The following PSMC5 variants were observed in gnomAD, a reference collection of about 807,000 sequenced individuals.
The protein encoded by PSMC5 is proteasome 26S subunit, ATPase 5, also known as 26S proteasome regulatory subunit 8.
Under a neutral mutation model 49.1 loss-of-function variants are expected in PSMC5, and 11 were observed. The observed-to-expected ratio is 0.22, with a 90% confidence interval of 0.14 to 0.37. PSMC5 has a LOEUF of 0.37. Among genes scored for constraint, PSMC5 ranks in the 10% least tolerant of loss-of-function variants. The pLI, the probability that PSMC5 is intolerant of heterozygous loss-of-function variation, is 1.00. For missense variants in PSMC5, 229 were observed against 520.9 expected, an observed-to-expected ratio of 0.44 and a Z score of 5.45; for synonymous variants, 206 against 192.2, an observed-to-expected ratio of 1.07 and a Z score of -0.59.
chr17:63,828,941 A>C (rs2040147243), intron 2 of PSMC5: 1 of 154,124 alleles, frequency 6.5e-6, no homozygotes, highest in Non-Finnish European at 1.4e-5. Flanking sequence ...GAAAGCCACA[A>C]AAGACAATTC....
In PSMC5 at chr17:63,831,561, T is replaced by C; in HGVS notation, c.1025T>C (p.Ile342Thr). The C allele has an allele frequency of 6.2e-7, 1 of 1,613,948 alleles. No individual in the cohort carries two copies. The highest frequency in any genetic ancestry group is 8.5e-7 in the Non-Finnish European group (1 of 1,179,990). Reference protein sequence around the residue: ...HSRKMNLTRGINLRKIAELMP... With the variant: ...HSRKMNLTRGTNLRKIAELMP... Reference sequence around the variant, plus strand: ...CGGAAGATGAACCTGACCCGGGGGATCAACCTGAGAAAAATTGCTGAGCTC... The same window carrying C: ...CGGAAGATGAACCTGACCCGGGGGACCAACCTGAGAAAAATTGCTGAGCTC... The change falls in exon 10 of 12, where the codon ATC (isoleucine) becomes ACC (threonine). Residue 342 changes from isoleucine (I) to threonine (T), a missense_variant. Physicochemically the swap from Ile to Thr is moderately conservative, Grantham distance 89. This residue lies in a region of PSMC5 where 121 missense variants were observed against 330.6 expected (regional missense o/e 0.37). Coordinates refer to ENST00000310144, the MANE Select transcript of PSMC5 (RefSeq NM_002805.6). This position sits in a 1 kb window ranked among gnomAD's most constrained non-coding sequence, Gnocchi z 6.3.
chr17:63,829,987 C>A, intron 4 of PSMC5, 38 bp downstream of exon 4: 2 of 1,581,362 alleles, frequency 1.3e-6, no homozygotes, highest in South Asian at 1.2e-5. Flanking sequence ...GCTCGGTCTC[C>A]ACTGCATTCC....
Position 63,830,625 on chromosome 17 carries a change from C to G in PSMC5, c.552+124C>G, listed in dbSNP as rs891186454. On this transcript the variant is annotated intron_variant, in intron 6 of 11. Transcript: ENST00000310144. This position sits in a 1 kb window ranked among gnomAD's most constrained non-coding sequence, Gnocchi z 4.0. ...CATCTTGCTTGGGCTGGCCCTCCCC[C>G]TGAAAAGAGTGGCTGGGGAAGTGTT... 1.6e-5 allele frequency: 24 copies of G among 1,491,454 alleles called. No homozygotes were observed. Among genetic ancestry groups the G allele is most frequent in the East Asian group, 4.9e-5 (2 of 40,670 alleles). The allele number at this position is 1,491,454 out of a possible 1,614,324, so 92.4% of individuals were successfully genotyped here.
chr17:63,827,993 G>C (rs1167039778), intron 1 of PSMC5, 145 bp from the exon 2 acceptor site: 12 of 1,285,702 alleles, frequency 9.3e-6, no homozygotes, highest in Non-Finnish European at 1.2e-5. Flanking sequence ...GGAGGGATTA[G>C]AACCCAGATC....
rs755378966 is a variant in PSMC5 at position 63,830,797 on chromosome 17, G to A, written c.553-12G>A. On this transcript the variant is annotated splice_polypyrimidine_tract_variant and intron_variant, in intron 6 of 11. Coordinates refer to ENST00000310144, the MANE Select transcript of PSMC5 (RefSeq NM_002805.6). This position sits in a 1 kb window ranked among gnomAD's most constrained non-coding sequence, Gnocchi z 4.0. ...GTAGCTTTCTGCCCTGAGTCCTGCTGTTCCCCTGTAGGGAGTGCTGCTGTA... is the reference window on the plus strand; with the variant it reads ...GTAGCTTTCTGCCCTGAGTCCTGCTATTCCCCTGTAGGGAGTGCTGCTGTA... 3 of 1,613,620 alleles carry A rather than the reference G, an allele frequency of 1.9e-6. No homozygotes were observed. In the East Asian group the frequency reaches 6.7e-5, roughly 36 times the overall value.
In PSMC5 at chr17:63,830,559, C is replaced by T. The variant is rs2040170715; in HGVS notation, c.552+58C>T. 1.3e-6 allele frequency: 2 copies of T among 1,588,632 alleles called. No homozygotes were observed. Among genetic ancestry groups the T allele is most frequent in the African/African-American group, 1.3e-5 (1 of 74,524 alleles). On this transcript the variant is annotated intron_variant, in intron 6 of 11. Transcript: ENST00000310144. The surrounding 1 kb of genome is among the most constrained non-coding windows in gnomAD (Gnocchi z 4.0). The stretch of plus-strand genomic sequence containing the variant: ...CTGTACTTACTCCTCCTGCCCCAGC[C>T]AGCCCTACTGCAGGGGTTGGGGAGG...
Position 63,831,541 on chromosome 17 carries a change from G to A in PSMC5, c.1005G>A (p.Lys335=), listed in dbSNP as rs2040187212. 6.2e-7 allele frequency: 1 copy of A among 1,614,128 alleles called. No homozygotes were observed. The highest frequency in any genetic ancestry group is 1.7e-5 in the Admixed American group (1 of 60,018). Residue 335 remains lysine, a synonymous_variant, in exon 10 of 12, where the codon AAG becomes AAA. Transcript: ENST00000310144. The surrounding 1 kb of genome is among the most constrained non-coding windows in gnomAD (Gnocchi z 6.3). ...RLDILKIHSR[K]MNLTRGINLR... The stretch of plus-strand genomic sequence containing the variant: ...ACATTTTGAAGATTCATTCTCGGAA[G>A]ATGAACCTGACCCGGGGGATCAACC...
rs1598355710 is a variant in PSMC5, at chr17:63,831,774, T to C, written c.1131T>C (p.His377=). 1 of 1,614,204 alleles carries C rather than the reference T, an allele frequency of 6.2e-7. No individual in the cohort carries two copies. Among genetic ancestry groups the C allele is most frequent in the East Asian group, 2.2e-5 (1 of 44,882 alleles). ...GMYALRERRV[H]VTQEDFEMAV... ...ATGCCCTGCGAGAACGGCGAGTCCA[T>C]GTCACTCAGGAGGACTTTGAGATGG... Residue 377 remains histidine, a synonymous_variant, in exon 11 of 12, where the codon CAT becomes CAC. Coordinates refer to ENST00000310144, the MANE Select transcript of PSMC5 (RefSeq NM_002805.6). This position sits in a 1 kb window ranked among gnomAD's most constrained non-coding sequence, Gnocchi z 6.3.
Position 63,827,458 on chromosome 17 carries a change from T to C in PSMC5, c.-33T>C. The C allele has an allele frequency of 1.3e-6, 2 of 1,551,740 alleles. No individual in the cohort carries two copies. The highest frequency in any genetic ancestry group is 2.4e-5 in the East Asian group (1 of 40,924). On this transcript the variant is annotated 5_prime_UTR_variant, in exon 1 of 12. Transcript: ENST00000310144. ...TTCCGCGCTTGCGCGCCAAGACGGCTCGGATGCCGGCGGTCTCTGCTGAAG... is the reference window on the plus strand; with the variant it reads ...TTCCGCGCTTGCGCGCCAAGACGGCCCGGATGCCGGCGGTCTCTGCTGAAG...
rs1197014415 is a variant in PSMC5, at chr17:63,831,200, G to A, written c.844G>A (p.Gly282Ser). 2 of 1,563,870 alleles carry A rather than the reference G, an allele frequency of 1.3e-6. No homozygotes were observed. The highest frequency in any genetic ancestry group is 1.7e-6 in the Non-Finnish European group (2 of 1,153,712). ...GCTGGAGTTGCTCAACCAGCTCGAC[G>A]GCTTTGAGGCCACCAAGAACATCAA... ...TMLELLNQLD[G>S]FEATKNIKVI... is the part of the protein sequence containing the mutation. Residue 282 changes from glycine (G) to serine (S), a missense_variant, in exon 8 of 12, where the codon GGC (glycine) becomes AGC (serine). Around this residue, in one of 4 missense-constraint regions of PSMC5, gnomAD observed 121 missense variants for 330.6 expected, o/e 0.37. Transcript: ENST00000310144. The surrounding 1 kb of genome is among the most constrained non-coding windows in gnomAD (Gnocchi z 6.3).
chr17:63,830,613 C>A lies in PSMC5; in HGVS notation c.552+112C>A. ...CGGGATAGGCTGCATCTTGCTTGGG[C>A]TGGCCCTCCCCCTGAAAAGAGTGGC... On this transcript the variant is annotated intron_variant, in intron 6 of 11. Transcript: ENST00000310144. The surrounding 1 kb of genome is among the most constrained non-coding windows in gnomAD (Gnocchi z 4.0). The A allele has an allele frequency of 6.6e-7, 1 of 1,504,098 alleles. No individual in the cohort carries two copies. The allele number at this position is 1,504,098 out of a possible 1,614,324, so 93.2% of individuals were successfully genotyped here. A position where few individuals can be genotyped will look rare whatever the true frequency, so the allele number is the denominator to read the frequency against.
At position 63,830,955 on chromosome 17, in the gene PSMC5, T is replaced by A. The variant is rs1243501675; in HGVS notation, c.679+20T>A. On this transcript the variant is annotated intron_variant, in intron 7 of 11. Transcript: ENST00000310144. This position sits in a 1 kb window ranked among gnomAD's most constrained non-coding sequence, Gnocchi z 4.0. Reference sequence around the variant, plus strand: ...GGGAAGGTAACCATGGCTAGCAATGTGAGAAGCAAGAGGTAGGGGTAGGGG... The same window carrying A: ...GGGAAGGTAACCATGGCTAGCAATGAGAGAAGCAAGAGGTAGGGGTAGGGG... The A allele has an allele frequency of 5.0e-6, 8 of 1,613,658 alleles. No individual in the cohort carries two copies. The African/African-American group carries it at 1.1e-4, about 22-fold the overall frequency.
At chr17:63,827,871 G>A in intron 1 of PSMC5, 2 of 1,430,448 alleles carry the variant, frequency 1.4e-6, no homozygotes, top group Non-Finnish European at 1.8e-6. Context: ...GCAGTGCAAA[G>A]CGCCCCCCGT....
chr17:63,830,627 G>A lies in PSMC5; in HGVS notation c.552+126G>A. The A allele has an allele frequency of 6.7e-7, 1 of 1,488,616 alleles. No homozygotes were observed. 92.2% of individuals were successfully genotyped at this position (1,488,616 alleles called of 1,614,324 possible). ...TCTTGCTTGGGCTGGCCCTCCCCCT[G>A]AAAAGAGTGGCTGGGGAAGTGTTCC... On this transcript the variant is annotated intron_variant, in intron 6 of 11. Coordinates refer to ENST00000310144, the MANE Select transcript of PSMC5 (RefSeq NM_002805.6). This position sits in a 1 kb window ranked among gnomAD's most constrained non-coding sequence, Gnocchi z 4.0.
Position 63,831,734 on chromosome 17 carries a change from C to T in PSMC5, c.1091C>T (p.Thr364Ile). 1.2e-6 allele frequency: 2 copies of T among 1,614,158 alleles called. No homozygotes were observed. The highest frequency in any genetic ancestry group is 1.7e-6 in the Non-Finnish European group (2 of 1,180,034). ...CCTTTTCCTGTTCAGGGCGTGTGCA[C>T]AGAAGCTGGCATGTATGCCCTGCGA... The part of the protein sequence containing the change: ...ASGAEVKGVC[T>I]EAGMYALRER... Residue 364 changes from threonine (T) to isoleucine (I), a missense_variant, in exon 11 of 12, where the codon ACA becomes ATA. By Grantham distance (89) the Thr-to-Ile change is moderately conservative. Transcript: ENST00000310144. This position sits in a 1 kb window ranked among gnomAD's most constrained non-coding sequence, Gnocchi z 6.3.
Position 63,829,525 on chromosome 17 carries a change from GGAGGCTGCAGGCAC to G in PSMC5, c.129_142del (p.Arg44GlufsTer7). The G allele has an allele frequency of 6.4e-7, 1 of 1,555,820 alleles. No homozygotes were observed. Among genetic ancestry groups the G allele is most frequent in the Non-Finnish European group, 8.7e-7 (1 of 1,149,178 alleles). On this transcript the variant is annotated frameshift_variant, in exon 3 of 12. Transcript: ENST00000310144. LOFTEE classifies it high-confidence loss of function. ...GTGAATGATAAGAGCCAAAACCTCC[GGAGGCTGCAGGCAC>G]AGAGGAACGAACTAAATGCTAAAGG... is the stretch of plus-strand genomic sequence containing the variant.
In PSMC5 at chr17:63,830,589, G is replaced by A. The variant is rs577608481; in HGVS notation, c.552+88G>A. The A allele has an allele frequency of 1.1e-4, 168 of 1,537,662 alleles. No homozygotes were observed. In the African/African-American group the frequency reaches 1.8e-3, roughly 17 times the overall value. On this transcript the variant is annotated intron_variant, in intron 6 of 11. Transcript: ENST00000310144. The surrounding 1 kb of genome is among the most constrained non-coding windows in gnomAD (Gnocchi z 4.0). ...CTACTGCAGGGGTTGGGGAGGCACC[G>A]GGATAGGCTGCATCTTGCTTGGGCT...
chr17:63,831,416 C>G lies in PSMC5; in HGVS notation c.960C>G (p.Pro320=). Residue 320 remains proline, a synonymous_variant, in exon 9 of 12, where the codon CCC becomes CCG. Transcript: ENST00000310144. This position sits in a 1 kb window ranked among gnomAD's most constrained non-coding sequence, Gnocchi z 6.3. ...RIDRKIEFPP[P]NEEARLDILK... ...ACAGAAAAATTGAATTCCCACCCCCCAATGAGGAGGTTTGTGATGGACACT... is the reference window on the plus strand; with the variant it reads ...ACAGAAAAATTGAATTCCCACCCCCGAATGAGGAGGTTTGTGATGGACACT... 2 of 1,613,904 alleles carry G rather than the reference C, an allele frequency of 1.2e-6. No homozygotes were observed. Among genetic ancestry groups the G allele is most frequent in the Middle Eastern group, 1.6e-4 (1 of 6,062 alleles).
chr17:63,831,726 C>A lies in PSMC5; in HGVS notation c.1083C>A (p.Gly361=), dbSNP rs756931295. ...MPGASGAEVK[G]VCTEAGMYAL... The stretch of plus-strand genomic sequence containing the variant: ...CTCAATTTCCTTTTCCTGTTCAGGG[C>A]GTGTGCACAGAAGCTGGCATGTATG... Residue 361 remains glycine (G), a splice_region_variant and synonymous_variant, in exon 11 of 12, where the codon GGC becomes GGA. Transcript: ENST00000310144. This position sits in a 1 kb window ranked among gnomAD's most constrained non-coding sequence, Gnocchi z 6.3. 6.2e-7 allele frequency: 1 copy of A among 1,614,098 alleles called. No homozygotes were observed. Among genetic ancestry groups the A allele is most frequent in the Non-Finnish European group, 8.5e-7 (1 of 1,180,010 alleles).
Sources: allele counts gnomAD v4.1 joint callset, GRCh38; gene constraint gnomAD v4.1.1; regional missense constraint gnomAD v4.1.1; non-coding constraint Gnocchi (gnomAD v3.1); transcripts MANE v1.5; gene names NCBI Gene and HGNC (gene_info 2026-07-23, HGNC 2026-07-21).